HERC2: variants seen among roughly 807,000 people sequenced by gnomAD.
HERC2 encodes HECT and RLD domain containing E3 ubiquitin protein ligase 2.
In HERC2, 102 loss-of-function variants were observed where a neutral mutation model predicts 537.7. The ratio of observed to expected loss-of-function variants is 0.19; its 90% confidence interval spans 0.16 to 0.22. The LOEUF is 0.22. Among genes scored for constraint, HERC2 ranks in the 10% least tolerant of loss-of-function variants. HERC2 has a pLI of 1.00. For synonymous variants in HERC2, 2,224 were observed against 2,466.2 expected (o/e 0.90, Z 2.91); for missense variants, 4,236 against 6,198.2 (o/e 0.68, Z 10.63).
chr15:28,220,054 C>T (rs1900356549), intron 37 of HERC2, among the ~76,000 whole-genome samples: 1 of 152,178 alleles, frequency 6.6e-6, no homozygotes, highest in Non-Finnish European at 1.5e-5. Flanking sequence ...TGGGCAGGGG[C>T]TCTCACTGGA....
intron 2 of HERC2, among the ~76,000 whole-genome samples, chr15:28,311,076 C>CAAA (rs71132854): frequency 0.034 from 1,002 of 29,376 alleles, 177 homozygotes; most frequent in East Asian, 0.17. Context: ...GACTGCATCT[C>CAAA]AAAAAAAAAA....
intron 3 of HERC2, among the ~76,000 whole-genome samples, chr15:28,297,863 CT>C (rs1330781289): frequency 2.7e-5 from 4 of 148,636 alleles, no homozygotes; most frequent in Non-Finnish European, 1.5e-5. Flanking sequence ...CAAAGTTGAA[CT>C]AGAATCAATT....
chr15:28,199,114 T>C (rs1156680395), intron 48 of HERC2, among the ~76,000 whole-genome samples: 2 of 151,126 alleles, frequency 1.3e-5, no homozygotes, highest in African/African-American at 4.9e-5. Context: ...ACAACTGCAC[T>C]CCAGCCTGAG....
At position 28,191,031 on chromosome 15, in the gene HERC2, A is replaced by C. The variant is rs1199541807; in HGVS notation, c.8583T>G (p.Ile2861Met). 6.2e-7 allele frequency: 1 copy of C among 1,613,066 alleles called. No individual in the cohort carries two copies. The change falls in exon 55 of 93, where the codon ATT becomes ATG. Residue 2861 changes from isoleucine (I) to methionine (M), a missense_variant. Transcript: ENST00000261609. The stretch of plus-strand genomic sequence containing the variant: ...GGTTAATATTGATTGTCTTTAGTTC[A>C]ATAAGGTTATTCAGGGAATTTCCAC... ...VSGGNSLNNL[I>M]ELKTININPS...
At chr15:28,226,491 A>G (rs1438534064) in intron 35 of HERC2, among the ~76,000 whole-genome samples, 2 of 152,124 alleles carry the variant, frequency 1.3e-5, no homozygotes, top group African/African-American at 4.8e-5. Context: ...TGCCAAGGGT[A>G]CCCAGAACTT....
At chr15:28,167,559 C>T in intron 68 of HERC2, 128 bp downstream of exon 68, 1 of 1,124,518 alleles carries the variant, frequency 8.9e-7, no homozygotes, top group Non-Finnish European at 1.3e-6. Context: ...TTCGAAGATG[C>T]TAACAAGTGG....
At position 28,177,540 on chromosome 15, in the gene HERC2, A is replaced by C; in HGVS notation, c.9164-31T>G. On this transcript the variant is annotated intron_variant, in intron 59 of 92. Coordinates refer to ENST00000261609, the MANE Select transcript of HERC2 (RefSeq NM_004667.6). The surrounding 1 kb of genome is among the most constrained non-coding windows in gnomAD (Gnocchi z 5.0). ...ACATTCACAGACACACGGATTGCCA[A>C]AGGGCAGGGAACAGAAAGCCCACAG... 1 of 1,606,466 alleles carries C rather than the reference A, an allele frequency of 6.2e-7. No homozygotes were observed. The highest frequency in any genetic ancestry group is 1.3e-5 in the African/African-American group (1 of 74,888).
chr15:28,119,750 G>A (rs906372643), intron 86 of HERC2, among the ~76,000 whole-genome samples: 12 of 152,204 alleles, frequency 7.9e-5, no homozygotes, highest in South Asian at 6.2e-4. Flanking sequence ...CACCACCAAC[G>A]ACTAATATAA....
At chr15:28,138,674 A>G (rs1451486242) in intron 78 of HERC2, among the ~76,000 whole-genome samples, 2 of 152,264 alleles carry the variant, frequency 1.3e-5, no homozygotes, top group Non-Finnish European at 2.9e-5. Flanking sequence ...CAAAGAGATT[A>G]AAGTTGTTTT....
intron 4 of HERC2, among the ~76,000 whole-genome samples, chr15:28,281,612 G>A (rs2076021284): frequency 6.6e-6 from 1 of 152,202 alleles, no homozygotes; most frequent in Non-Finnish European, 1.5e-5. Flanking sequence ...TCCCTGGAAA[G>A]GCACAGGGTG....
chr15:28,136,329 A>G (rs1890632903), intron 78 of HERC2, among the ~76,000 whole-genome samples: 1 of 36,302 alleles, frequency 2.8e-5, no homozygotes, highest in African/African-American at 3.2e-5. Flanking sequence ...CTGCACTGAC[A>G]TAATATAAGG....
intron 35 of HERC2, among the ~76,000 whole-genome samples, chr15:28,223,972 T>G (rs1462924233): frequency 6.6e-6 from 1 of 152,064 alleles, no homozygotes; most frequent in Non-Finnish European, 1.5e-5. Context: ...AGGCCATTTC[T>G]CGATGGAGAT....
intron 68 of HERC2, among the ~76,000 whole-genome samples, chr15:28,164,123 G>GA (rs1893895641): frequency 6.6e-6 from 1 of 152,208 alleles, no homozygotes; most frequent in Admixed American, 6.5e-5. Flanking sequence ...TGCAGAGCAG[G>GA]AGTGTGTCAA....
At position 28,196,286 on chromosome 15, in the gene HERC2, T is replaced by C; in HGVS notation, c.8189A>G (p.Asp2730Gly). 2 of 1,456,956 alleles carry C rather than the reference T, an allele frequency of 1.4e-6. No homozygotes were observed. The highest frequency in any genetic ancestry group is 9.5e-7 in the Non-Finnish European group (1 of 1,049,788). The allele number at this position is 1,456,956 out of a possible 1,614,324, so 90.3% of individuals were successfully genotyped here. ...GGTCTTGAAACACGTTTCACAAAAA[T>C]CAAAGTCATCACAGTTTCTGCATTT... ...RFKCRNCDDFDFCETCFKTKK... is the reference protein window; with the variant it reads ...RFKCRNCDDFGFCETCFKTKK... Residue 2730 changes from aspartate (D) to glycine (G), a missense_variant, in exon 52 of 93, where the codon GAT (aspartate) becomes GGT (glycine). Physicochemically the swap from Asp to Gly is moderately conservative, Grantham distance 94. Around this residue, in one of 27 missense-constraint regions of HERC2, gnomAD observed 606 missense variants for 884.5 expected, o/e 0.69. Transcript: ENST00000261609.
chr15:28,286,042 G>T (rs551812515), intron 4 of HERC2, among the ~76,000 whole-genome samples: 1 of 151,110 alleles, frequency 6.6e-6, no homozygotes, highest in Admixed American at 6.6e-5. Flanking sequence ...CAAAGAATCC[G>T]AAAAAAAAGA....
rs754939899 is a variant in HERC2, at chr15:28,168,411, C to T, written c.10409G>A (p.Arg3470Lys). Residue 3470 changes from arginine to lysine, a missense_variant, in exon 67 of 93, where the codon AGA becomes AAA. Transcript: ENST00000261609. ...RLSPNPWQEK[R>K]EIVSSEDAVT... ...TTGCTTTAGATTCGCTTTTACCTCT[C>T]TCTTTTCTTGCCATGGATTTGGACT... is the stretch of plus-strand genomic sequence containing the variant. 1 of 1,613,464 alleles carries T rather than the reference C, an allele frequency of 6.2e-7. No homozygotes were observed. Among genetic ancestry groups the T allele is most frequent in the East Asian group, 2.2e-5 (1 of 44,862 alleles).
chr15:28,248,754 G>C lies in HERC2; in HGVS notation c.3051-18C>G. On this transcript the variant is annotated intron_variant, in intron 20 of 92. Transcript: ENST00000261609. The stretch of plus-strand genomic sequence containing the variant: ...CAATGTTTCTATACAGGAAAGAAGA[G>C]GATTACAAAATTAAACAAGATATTT... The C allele has an allele frequency of 6.3e-7, 1 of 1,587,104 alleles. No individual in the cohort carries two copies. The highest frequency in any genetic ancestry group is 1.1e-5 in the South Asian group (1 of 88,618).
At chr15:28,237,894 T>A (rs1902631042) in intron 25 of HERC2, among the ~76,000 whole-genome samples, 1 of 152,202 alleles carries the variant, frequency 6.6e-6, no homozygotes, top group Admixed American at 6.5e-5. Flanking sequence ...CACAAATTGA[T>A]CATTTAAAAA....
chr15:28,209,982 T>G (rs1036287663), intron 44 of HERC2, among the ~76,000 whole-genome samples: 6 of 113,434 alleles, frequency 5.3e-5, no homozygotes, highest in African/African-American at 3.4e-5. Context: ...AAAGTCTCAC[T>G]CTGTCGCCCA....
Sources: allele counts gnomAD v4.1 joint callset (sites outside exome capture counted in the v4.1 genomes callset), GRCh38; gene constraint gnomAD v4.1.1; regional missense constraint gnomAD v4.1.1; non-coding constraint Gnocchi (gnomAD v3.1); transcripts MANE v1.5; gene names NCBI Gene and HGNC (gene_info 2026-07-23, HGNC 2026-07-21).